Variants in XIRP2 observed in about 807,000 individuals in gnomAD.
XIRP2 encodes the protein xin actin binding repeat containing 2, also known as xin actin-binding repeat-containing protein 2.
In XIRP2, 236 loss-of-function variants were observed where a neutral mutation model predicts 277.0. That is an observed-to-expected ratio of 0.85 (90% CI 0.77 to 0.95). The LOEUF is 0.95. Ranked by LOEUF, XIRP2 falls within the 40% of genes least tolerant of loss-of-function variation. The probability of loss-of-function intolerance (pLI) is 0.00; values close to 1 mark genes in which losing one functional copy is unlikely to be tolerated. For synonymous variants in XIRP2, 1,490 were observed against 1,416.5 expected, an observed-to-expected ratio of 1.05 and a Z score of -1.17; for missense variants, 4,640 against 4,157.5, an observed-to-expected ratio of 1.12 and a Z score of -3.19.
At chr2:166,947,169 A>T (rs1685896916) in intron 2 of XIRP2, among the ~76,000 whole-genome samples, 1 of 152,216 alleles carries the variant, frequency 6.6e-6, no homozygotes, top group African/African-American at 2.4e-5. Flanking sequence ...GTTTTCAAAA[A>T]AAAGGTGGCA....
At chr2:167,149,205 T>C (rs1691944279) in intron 3 of XIRP2, among the ~76,000 whole-genome samples, 1 of 152,156 alleles carries the variant, frequency 6.6e-6, no homozygotes, top group Non-Finnish European at 1.5e-5. Flanking sequence ...TTCACATATT[T>C]GTGAGATCCT....
chr2:166,995,731 G>C (rs1378639132), intron 2 of XIRP2, among the ~76,000 whole-genome samples: 2 of 151,806 alleles, frequency 1.3e-5, no homozygotes, highest in Admixed American at 1.3e-4. Flanking sequence ...CAGGTGTAGA[G>C]CATTACTGAC....
intron 2 of XIRP2, among the ~76,000 whole-genome samples, chr2:167,038,588 TC>T (rs1014439395): frequency 4.6e-5 from 7 of 151,606 alleles, no homozygotes; most frequent in Non-Finnish European, 1.0e-4. Context: ...ATTAGAAAAT[TC>T]CCCATGTTGC....
chr2:167,049,915 T>TA (rs1688875161), intron 2 of XIRP2, among the ~76,000 whole-genome samples: 1 of 152,080 alleles, frequency 6.6e-6, no homozygotes, highest in Non-Finnish European at 1.5e-5. Context: ...TTGCTTTAGC[T>TA]ACGGCTGCTA....
At chr2:167,079,060 T>C (rs992330843) in intron 2 of XIRP2, among the ~76,000 whole-genome samples, 1 of 152,210 alleles carries the variant, frequency 6.6e-6, no homozygotes, top group Non-Finnish European at 1.5e-5. Flanking sequence ...TGAGGGTTTT[T>C]ATCATGAAAG....
At chr2:167,126,427 C>A (rs1435841205) in intron 2 of XIRP2, among the ~76,000 whole-genome samples, 1 of 152,178 alleles carries the variant, frequency 6.6e-6, no homozygotes, top group Admixed American at 6.5e-5. Context: ...GGAGAAATAG[C>A]CTCACTTCTT....
chr2:166,999,110 G>A (rs946886293), intron 2 of XIRP2, among the ~76,000 whole-genome samples: 1 of 151,758 alleles, frequency 6.6e-6, no homozygotes, highest in Non-Finnish European at 1.5e-5. Context: ...TTAAGTGGAA[G>A]ATAAAATAAA....
At chr2:167,144,828 T>C (rs889583530) in intron 3 of XIRP2, among the ~76,000 whole-genome samples, 4 of 152,196 alleles carry the variant, frequency 2.6e-5, no homozygotes, top group Admixed American at 2.6e-4. Flanking sequence ...CGTGGGAAGC[T>C]ATTAAGAAAC....
chr2:167,003,147 C>T (rs952679788), intron 2 of XIRP2, among the ~76,000 whole-genome samples: 3 of 151,642 alleles, frequency 2.0e-5, no homozygotes, highest in African/African-American at 7.3e-5. Context: ...ATGTAATACT[C>T]ATTAATTGCA....
At chr2:167,025,971 C>T (rs1183072057) in intron 2 of XIRP2, among the ~76,000 whole-genome samples, 1 of 152,078 alleles carries the variant, frequency 6.6e-6, no homozygotes, top group Non-Finnish European at 1.5e-5. Flanking sequence ...TCTATTAGGT[C>T]TGCTTGGTGC....
chr2:166,938,348 A>G (rs1054633274), intron 2 of XIRP2, among the ~76,000 whole-genome samples: 7 of 152,056 alleles, frequency 4.6e-5, no homozygotes, highest in African/African-American at 1.2e-4. Context: ...TCATTTCGTT[A>G]TGTACCCAGT....
rs1185263379 is a variant in XIRP2, at chr2:167,244,534, CA to C, written c.3143del (p.Gln1048ArgfsTer5). ...IIRGISAQEI[Q>X]TGNVKSAKWL... Reference sequence around the variant, plus strand: ...TAGAGGAATATCTGCTCAAGAAATACAGACTGGAAATGTGAAATCTGCCAAA... The same window carrying C: ...TAGAGGAATATCTGCTCAAGAAATACGACTGGAAATGTGAAATCTGCCAAA... On this transcript the variant is annotated frameshift_variant, in exon 9 of 11. Coordinates refer to ENST00000409195, the MANE Select transcript of XIRP2 (RefSeq NM_152381.6). LOFTEE classifies it high-confidence loss of function. 19 of 1,613,238 alleles carry C rather than the reference CA, an allele frequency of 1.2e-5. No homozygotes were observed. The highest frequency in any genetic ancestry group is 1.6e-5 in the Non-Finnish European group (19 of 1,179,714).
chr2:166,948,823 A>G (rs1685951133), intron 2 of XIRP2, among the ~76,000 whole-genome samples: 1 of 152,070 alleles, frequency 6.6e-6, no homozygotes, highest in Non-Finnish European at 1.5e-5. Context: ...AAGACAAGAG[A>G]GCTGATTCCC....
At chr2:166,980,041 T>C (rs1686825740) in intron 2 of XIRP2, among the ~76,000 whole-genome samples, 1 of 152,184 alleles carries the variant, frequency 6.6e-6, no homozygotes, top group Non-Finnish European at 1.5e-5. Flanking sequence ...CATATAATAT[T>C]GTTCAAGTTA....
At chr2:167,059,845 C>T (rs895360470) in intron 2 of XIRP2, among the ~76,000 whole-genome samples, 2 of 152,220 alleles carry the variant, frequency 1.3e-5, no homozygotes, top group Admixed American at 1.3e-4. Flanking sequence ...CATCAGCAAG[C>T]ATGATGCTAG....
chr2:167,067,671 C>G lies in XIRP2; in HGVS notation c.409-68238C>G, dbSNP rs911659272. ...ATGCAGACGCAGAGATCCAAAGTGA[C>G]CACATGCTCTTGGGAAAATGGAGCT... On this transcript the variant is annotated intron_variant, in intron 2 of 10. Transcript: ENST00000409195. 2.6e-5 allele frequency among the ~76,000 whole-genome samples: 4 copies of G among 152,116 alleles called. No homozygotes were observed. In the South Asian group the frequency reaches 8.3e-4, roughly 31 times the overall value.
At chr2:166,943,240 A>G (rs1276692869) in intron 2 of XIRP2, among the ~76,000 whole-genome samples, 5 of 152,140 alleles carry the variant, frequency 3.3e-5, no homozygotes, top group Admixed American at 6.6e-5. Flanking sequence ...TTTTATCTTC[A>G]TTTATTTTAA....
chr2:166,929,636 C>CT (rs1033986802), intron 2 of XIRP2, among the ~76,000 whole-genome samples: 2 of 151,302 alleles, frequency 1.3e-5, no homozygotes, highest in Non-Finnish European at 2.9e-5. Context: ...AGGGTCAGTA[C>CT]TTTTTTTTTC....
intron 5 of XIRP2, among the ~76,000 whole-genome samples, chr2:167,231,679 T>A (rs1318393054): frequency 2.0e-5 from 3 of 151,958 alleles, no homozygotes; most frequent in Non-Finnish European, 4.4e-5. Flanking sequence ...CTAGCTTTCC[T>A]AATGTCTAGG....
Sources: allele counts gnomAD v4.1 joint callset (sites outside exome capture counted in the v4.1 genomes callset), GRCh38; gene constraint gnomAD v4.1.1; transcripts MANE v1.5; gene names NCBI Gene and HGNC (gene_info 2026-07-23, HGNC 2026-07-21).